MAN1C1: variants seen among roughly 807,000 people sequenced by gnomAD.
MAN1C1 encodes the protein mannosidase alpha class 1C member 1, also known as mannosyl-oligosaccharide 1,2-alpha-mannosidase IC.
Under a neutral mutation model 71.5 loss-of-function variants are expected in MAN1C1, and 49 were observed. The observed-to-expected ratio is 0.69, with a 90% CI of 0.54 to 0.87. The LOEUF (loss-of-function observed/expected upper bound fraction) is 0.87, where lower values mean the gene tolerates loss of function less well. Ranked by LOEUF, MAN1C1 falls within the 40% of genes least tolerant of loss-of-function variation. The pLI is 0.00. For missense variants in MAN1C1, 743 were observed against 835.0 expected (o/e 0.89, Z 1.36); for synonymous variants, 352 against 343.7 (o/e 1.02, Z -0.27).
At chr1:25,656,034 G>T (rs1215907781) in intron 1 of MAN1C1, among the ~76,000 whole-genome samples, 1 of 150,562 alleles carries the variant, frequency 6.6e-6, no homozygotes, top group African/African-American at 2.5e-5. Flanking sequence ...CTCTTTTTGG[G>T]AGGGCCCCAA....
rs1037358625 is a variant in MAN1C1, at chr1:25,721,755, TTC to T, written c.638-24905_638-24904del. ...TCTTTCTAATATGGATGCCTTTTAT[TTC>T]TCTCTCTTGCCCAGTTGCTCTGTTT... On this transcript the variant is annotated intron_variant, in intron 2 of 11. Coordinates refer to ENST00000374332, the MANE Select transcript of MAN1C1 (RefSeq NM_020379.4). 2.4e-4 allele frequency among the ~76,000 whole-genome samples: 36 copies of T among 152,334 alleles called. 1 individual carries two copies. Among genetic ancestry groups the T allele is most frequent in the African/African-American group, 8.2e-4 (34 of 41,578 alleles).
At chr1:25,689,382 C>A (rs1327022835) in intron 2 of MAN1C1, among the ~76,000 whole-genome samples, 1 of 152,140 alleles carries the variant, frequency 6.6e-6, no homozygotes, top group Non-Finnish European at 1.5e-5. Context: ...TCATTTCTCT[C>A]CAAGGCTGAG....
intron 8 of MAN1C1, among the ~76,000 whole-genome samples, chr1:25,773,401 G>A (rs147797174): frequency 1.3e-5 from 2 of 152,198 alleles, no homozygotes; most frequent in Non-Finnish European, 2.9e-5. Flanking sequence ...TAGAGCCATG[G>A]ACCCTTTAAA....
chr1:25,689,729 C>G (rs2982321), intron 2 of MAN1C1, among the ~76,000 whole-genome samples: 34,726 of 152,134 alleles, frequency 0.23, 6,477 homozygotes, highest in African/African-American at 0.51. Flanking sequence ...CATTTAATGT[C>G]CTCCCTATAG....
At chr1:25,749,151 C>T (rs1460015691) in intron 3 of MAN1C1, 104 bp from the exon 4 acceptor site, 15 of 860,324 alleles carry the variant, frequency 1.7e-5, no homozygotes, top group South Asian at 1.4e-4. Context: ...TTACCAGAGC[C>T]GGGGACAGGT....
At chr1:25,687,368 G>A (rs2046246697) in intron 2 of MAN1C1, among the ~76,000 whole-genome samples, 1 of 152,140 alleles carries the variant, frequency 6.6e-6, no homozygotes, top group South Asian at 2.1e-4. Flanking sequence ...TTGTGGGCAT[G>A]GGCTCAGATT....
chr1:25,699,005 A>T (rs553455036), intron 2 of MAN1C1, among the ~76,000 whole-genome samples: 31 of 150,922 alleles, frequency 2.1e-4, no homozygotes, highest in Non-Finnish European at 4.4e-4. Flanking sequence ...GACTGGAAGC[A>T]TGAATGAAGA....
At chr1:25,621,920 C>T (rs537194921) in intron 1 of MAN1C1, among the ~76,000 whole-genome samples, 64 of 152,298 alleles carry the variant, frequency 4.2e-4, no homozygotes, top group Non-Finnish European at 6.0e-4. Context: ...CGAGCCACCG[C>T]GCCTGGCCAG....
Position 25,617,599 on chromosome 1 carries a change from C to T in MAN1C1, c.-199C>T. 1 of 500,314 alleles carries T rather than the reference C, an allele frequency of 2.0e-6. No homozygotes were observed. Among genetic ancestry groups the T allele is most frequent in the Non-Finnish European group, 3.4e-6 (1 of 290,712 alleles). 31.0% of individuals were successfully genotyped at this position (500,314 alleles called of 1,614,324 possible). A position where few individuals can be genotyped will look rare whatever the true frequency, so the allele number is the denominator to read the frequency against. ...CGGGCCCCGCCGAGGCCGCTGCGCC[C>T]CCGCCTCCTCGCGGGAGGACTCGCT... On this transcript the variant is annotated 5_prime_UTR_variant, in exon 1 of 12. Coordinates refer to ENST00000374332, the MANE Select transcript of MAN1C1 (RefSeq NM_020379.4). The surrounding 1 kb of genome is among the most constrained non-coding windows in gnomAD (Gnocchi z 5.1).
intron 1 of MAN1C1, among the ~76,000 whole-genome samples, chr1:25,668,213 T>C (rs1428127274): frequency 6.6e-6 from 1 of 152,156 alleles, no homozygotes. Context: ...AGTTCTCAGC[T>C]CAGCTGTCAT....
rs1369553741 is a variant in MAN1C1, at chr1:25,617,492, G to A, written c.-306G>A. On this transcript the variant is annotated 5_prime_UTR_variant, in exon 1 of 12. Transcript: ENST00000374332. The surrounding 1 kb of genome is among the most constrained non-coding windows in gnomAD (Gnocchi z 5.1). ...GAAGGCGCGGGCCCCGGCGCGGCGG[G>A]GAGGGCTCGGCCGGAGGGGAGGCTG... 1 of 146,758 alleles carries A rather than the reference G, an allele frequency of 6.8e-6. No individual in the cohort carries two copies. Among genetic ancestry groups the A allele is most frequent in the African/African-American group, 2.4e-5 (1 of 40,882 alleles). The allele number at this position is 146,758 out of a possible 1,614,324, so 9.1% of individuals were successfully genotyped here.
intron 2 of MAN1C1, among the ~76,000 whole-genome samples, chr1:25,719,721 C>T (rs544054011): frequency 1.3e-5 from 2 of 152,208 alleles, no homozygotes; most frequent in Non-Finnish European, 2.9e-5. Flanking sequence ...AGTCACTACA[C>T]CTGACCTACA....
At chr1:25,715,641 T>C (rs1358777477) in intron 2 of MAN1C1, among the ~76,000 whole-genome samples, 2 of 152,156 alleles carry the variant, frequency 1.3e-5, no homozygotes, top group African/African-American at 4.8e-5. Flanking sequence ...ATGTCTTTAC[T>C]GAGCACCTAC....
intron 2 of MAN1C1, among the ~76,000 whole-genome samples, chr1:25,722,799 A>G (rs565090020): frequency 1.3e-5 from 2 of 152,256 alleles, no homozygotes; most frequent in East Asian, 3.9e-4. Context: ...AGAAGAGAAG[A>G]TGGTTGTGGA....
chr1:25,730,298 G>T lies in MAN1C1; in HGVS notation c.638-16370G>T, dbSNP rs751891215. 8.5e-5 allele frequency among the ~76,000 whole-genome samples: 13 copies of T among 152,118 alleles called. No individual in the cohort carries two copies. Among genetic ancestry groups the T allele is most frequent in the Admixed American group, 2.0e-4 (3 of 15,284 alleles). The stretch of plus-strand genomic sequence containing the variant: ...AGAGGCAGAGACTGGCCTTCTCCAC[G>T]CATGATTAAGCACGATGGCTTTTTA... On this transcript the variant is annotated intron_variant, in intron 2 of 11. Transcript: ENST00000374332. This position sits in a 1 kb window ranked among gnomAD's most constrained non-coding sequence, Gnocchi z 4.3.
chr1:25,733,297 G>A (rs1572181532), intron 2 of MAN1C1, among the ~76,000 whole-genome samples: 1 of 152,154 alleles, frequency 6.6e-6, no homozygotes, highest in East Asian at 1.9e-4. Flanking sequence ...TCATCATACA[G>A]CAGCCAGTCA....
chr1:25,708,559 G>T lies in MAN1C1; in HGVS notation c.637+22023G>T, dbSNP rs548637044. ...ACCTCCTGGGAATGCAGCCCAGTAG[G>T]TCTCAGCTTCATTTTACCCAGTCCC... is the stretch of plus-strand genomic sequence containing the variant. On this transcript the variant is annotated intron_variant, in intron 2 of 11. Coordinates refer to ENST00000374332, the MANE Select transcript of MAN1C1 (RefSeq NM_020379.4). Among the ~76,000 whole-genome samples, 7 of 152,232 alleles carry T rather than the reference G, an allele frequency of 4.6e-5. No homozygotes were observed. In the East Asian group the frequency reaches 1.2e-3, roughly 25 times the overall value.
At chr1:25,642,980 T>C (rs920879863) in intron 1 of MAN1C1, among the ~76,000 whole-genome samples, 3 of 152,166 alleles carry the variant, frequency 2.0e-5, no homozygotes, top group East Asian at 1.9e-4. Flanking sequence ...TGGTGATAGA[T>C]TGATTGGAAA....
chr1:25,621,670 C>T (rs569773424), intron 1 of MAN1C1, among the ~76,000 whole-genome samples: 2 of 151,934 alleles, frequency 1.3e-5, no homozygotes, highest in Non-Finnish European at 2.9e-5. Flanking sequence ...GTCGTCGAGG[C>T]TGCAGTGCAG....
Sources: gnomAD v4.1 joint callset for allele counts (sites outside exome capture counted in the v4.1 genomes callset) on GRCh38, gnomAD v4.1.1 for gene constraint, Gnocchi (gnomAD v3.1) non-coding constraint, MANE v1.5 for transcripts, NCBI Gene and HGNC (gene_info 2026-07-23, HGNC 2026-07-21) for gene names.